Variants in MPZL2 observed in about 807,000 individuals in gnomAD.
MPZL2 encodes the protein myelin protein zero like 2, also known as myelin protein zero-like protein 2.
MPZL2 carries 32 observed loss-of-function variants against 24.5 expected under a neutral mutation model. That is an observed-to-expected ratio of 1.31 (90% CI 0.99 to 1.76). The LOEUF is 1.76. Ranked by LOEUF, MPZL2 falls within the 40% of genes most tolerant of loss-of-function variation. The pLI is 0.00. For missense variants in MPZL2, 304 were observed against 274.9 expected, an observed-to-expected ratio of 1.11 and a Z score of -0.75; for synonymous variants, 92 against 97.9, an observed-to-expected ratio of 0.94 and a Z score of 0.36.
intron 3 of MPZL2, among the ~76,000 whole-genome samples, chr11:118,260,825 G>A (rs968935938): frequency 6.6e-6 from 1 of 152,132 alleles, no homozygotes; most frequent in African/African-American, 2.4e-5. Context: ...CAGAGGGAAG[G>A]TCCCCTAAGC....
At position 118,262,847 on chromosome 11, in the gene MPZL2, A is replaced by C. The variant is rs989675558; in HGVS notation, c.225+84T>G. On this transcript the variant is annotated intron_variant, in intron 2 of 5. Coordinates refer to ENST00000278937, the MANE Select transcript of MPZL2 (RefSeq NM_005797.4). ...TAACCTTGTGCTTGCTGCTAAGAAA[A>C]ATACTGGAAGGGAAAGGAGAAATGG... The C allele has an allele frequency of 5.9e-6, 9 of 1,516,094 alleles. No individual in the cohort carries two copies. The African/African-American group carries it at 9.7e-5, about 16-fold the overall frequency. 93.9% of individuals were successfully genotyped at this position (1,516,094 alleles called of 1,614,324 possible). A position where few individuals can be genotyped will look rare whatever the true frequency, so the allele number is the denominator to read the frequency against.
chr11:118,259,287 C>T (rs1479940054), intron 4 of MPZL2: 1 of 152,040 alleles, frequency 6.6e-6, no homozygotes, highest in Admixed American at 6.6e-5. Context: ...ATTGAATGGA[C>T]AAACAATATG....
intron 5 of MPZL2, among the ~76,000 whole-genome samples, chr11:118,256,233 G>A (rs1949659192): frequency 6.9e-6 from 1 of 144,038 alleles, no homozygotes. Context: ...AGTTTTACAG[G>A]ATAAAGTCAT....
rs557126192 is a variant in MPZL2 at position 118,264,216 on chromosome 11, C to A, written c.-63G>T. 1.3e-6 allele frequency: 2 copies of A among 1,513,028 alleles called. No individual in the cohort carries two copies. The highest frequency in any genetic ancestry group is 4.5e-5 in the East Asian group (2 of 44,354). 93.7% of individuals were successfully genotyped at this position (1,513,028 alleles called of 1,614,324 possible). A position where few individuals can be genotyped will look rare whatever the true frequency, so the allele number is the denominator to read the frequency against. ...GCAGACCGAGGGCTCCAACACCCTGCCAAGGCCACTCCGGGAGGAGCAAGC... is the reference window on the plus strand; with the variant it reads ...GCAGACCGAGGGCTCCAACACCCTGACAAGGCCACTCCGGGAGGAGCAAGC... On this transcript the variant is annotated 5_prime_UTR_variant, in exon 1 of 6. Transcript: ENST00000278937.
Position 118,262,976 on chromosome 11 carries a change from T to A in MPZL2, c.180A>T (p.Thr60=). ...SSFAPVGDAL[T]VTWNFRPLDG... ...CTAGAGGACGAAAATTCCAGGTCACTGTTAGAGCATCACCCACAGGGGCAA... is the reference window on the plus strand; with the variant it reads ...CTAGAGGACGAAAATTCCAGGTCACAGTTAGAGCATCACCCACAGGGGCAA... Residue 60 remains threonine (T), a synonymous_variant, in exon 2 of 6, where the codon ACA becomes ACT. Coordinates refer to ENST00000278937, the MANE Select transcript of MPZL2 (RefSeq NM_005797.4). 1 of 1,614,198 alleles carries A rather than the reference T, an allele frequency of 6.2e-7. No homozygotes were observed. The highest frequency in any genetic ancestry group is 8.5e-7 in the Non-Finnish European group (1 of 1,180,020).
chr11:118,260,118 G>C lies in MPZL2; in HGVS notation c.520C>G (p.Leu174Val), dbSNP rs376150834. ...LMIIIVIVVV[L>V]FQHYRKKRWA... ...CGCTTTTTCCGGTAATGCTGGAAGAGGACCACTACAATTACTATTATGATC... is the reference window on the plus strand; with the variant it reads ...CGCTTTTTCCGGTAATGCTGGAAGACGACCACTACAATTACTATTATGATC... Residue 174 changes from leucine to valine, a missense_variant, in exon 4 of 6, where the codon CTC becomes GTC. Coordinates refer to ENST00000278937, the MANE Select transcript of MPZL2 (RefSeq NM_005797.4). 49 of 1,613,970 alleles carry C rather than the reference G, an allele frequency of 3.0e-5. No individual in the cohort carries two copies. The highest frequency in any genetic ancestry group is 4.1e-5 in the Non-Finnish European group (48 of 1,179,998).
intron 5 of MPZL2, among the ~76,000 whole-genome samples, chr11:118,256,409 T>G (rs1271748845): frequency 6.6e-6 from 1 of 152,136 alleles, no homozygotes; most frequent in African/African-American, 2.4e-5. Context: ...ATCCCAACAC[T>G]TTGGGAGGCT....
At chr11:118,263,230 C>G in intron 1 of MPZL2, 133 bp from the exon 2 acceptor site, 3 of 917,326 alleles carry the variant, frequency 3.3e-6, no homozygotes, top group Non-Finnish European at 4.9e-6. Context: ...ATCTCCCAAA[C>G]TTACTTCACC....
rs185262758 is a variant in MPZL2 at position 118,254,912 on chromosome 11, T to C, written c.*334A>G. On this transcript the variant is annotated 3_prime_UTR_variant, in exon 6 of 6. Coordinates refer to ENST00000278937, the MANE Select transcript of MPZL2 (RefSeq NM_005797.4). ...ACAGACAAATTGGCTTTTATCCCTT[T>C]TGATACCAATATATGTGTATACAAG... 1.6e-4 allele frequency: 24 copies of C among 152,354 alleles called. No individual in the cohort carries two copies. The highest frequency in any genetic ancestry group is 5.8e-4 in the African/African-American group (24 of 41,580). The allele number at this position is 152,354 out of a possible 1,614,324, so 9.4% of individuals were successfully genotyped here. A position where few individuals can be genotyped will look rare whatever the true frequency, so the allele number is the denominator to read the frequency against.
At position 118,264,203 on chromosome 11, in the gene MPZL2, C is replaced by A; in HGVS notation, c.-50G>T. 3 of 1,585,184 alleles carry A rather than the reference C, an allele frequency of 1.9e-6. No homozygotes were observed. In the South Asian group the frequency reaches 3.3e-5, roughly 18 times the overall value. On this transcript the variant is annotated 5_prime_UTR_variant, in exon 1 of 6. Coordinates refer to ENST00000278937, the MANE Select transcript of MPZL2 (RefSeq NM_005797.4). ...GAGACCGGACGGGGCAGACCGAGGG[C>A]TCCAACACCCTGCCAAGGCCACTCC...
intron 5 of MPZL2, among the ~76,000 whole-genome samples, chr11:118,255,948 A>G (rs1221122146): frequency 1.3e-5 from 2 of 152,146 alleles, no homozygotes; most frequent in East Asian, 3.9e-4. Flanking sequence ...TCATCTCTTA[A>G]GTTTCTTTTG....
At chr11:118,260,267 A>G (rs1949691294) in intron 3 of MPZL2, 66 bp from the exon 4 acceptor site, 5 of 1,499,120 alleles carry the variant, frequency 3.3e-6, no homozygotes, top group Admixed American at 1.9e-5. Context: ...ATCTAATGAC[A>G]TAATAGGGAT....
intron 2 of MPZL2, 99 bp from the exon 3 acceptor site, chr11:118,262,747 C>A: frequency 7.3e-7 from 1 of 1,374,234 alleles, no homozygotes; most frequent in Non-Finnish European, 1.0e-6. Flanking sequence ...ACCCAACTGT[C>A]CTGTCTGCAG....
Position 118,262,433 on chromosome 11 carries a change from C to T in MPZL2, c.436+5G>A, listed in dbSNP as rs1287697285. 1 of 1,613,322 alleles carries T rather than the reference C, an allele frequency of 6.2e-7. No individual in the cohort carries two copies. Among genetic ancestry groups the T allele is most frequent in the African/African-American group, 1.3e-5 (1 of 74,898 alleles). ...TCCAAAACCACTGTTCCCTGCATAACCTACCAGTGTGCACGACGCTGAGCC... is the reference window on the plus strand; with the variant it reads ...TCCAAAACCACTGTTCCCTGCATAATCTACCAGTGTGCACGACGCTGAGCC... On this transcript the variant is annotated splice_donor_5th_base_variant and intron_variant, in intron 3 of 5. Transcript: ENST00000278937.
intron 5 of MPZL2, chr11:118,256,883 A>T (rs1376590975): frequency 5.8e-5 from 9 of 154,790 alleles, no homozygotes; most frequent in Non-Finnish European, 1.1e-4. Flanking sequence ...GTTTACAATT[A>T]AAAAAAAAGA....
chr11:118,263,439 A>G (rs1439820101), intron 1 of MPZL2, among the ~76,000 whole-genome samples: 1 of 152,252 alleles, frequency 6.6e-6, no homozygotes. Context: ...ACAAAAAATT[A>G]AAATGAATCA....
Position 118,253,485 on chromosome 11 carries a change from A to T in MPZL2, c.*1761T>A, listed in dbSNP as rs1949643241. 1 of 152,242 alleles carries T rather than the reference A, an allele frequency of 6.6e-6. No individual in the cohort carries two copies. The highest frequency in any genetic ancestry group is 2.4e-5 in the African/African-American group (1 of 41,470). The allele number at this position is 152,242 out of a possible 1,614,324, so 9.4% of individuals were successfully genotyped here. On this transcript the variant is annotated 3_prime_UTR_variant, in exon 6 of 6. Transcript: ENST00000278937. ...GTGTTTAAAGCATAATAAAAAATAA[A>T]TTACAATACAAAAGTGCTCTTTAGG...
chr11:118,260,582 G>A (rs1949694079), intron 3 of MPZL2, among the ~76,000 whole-genome samples: 2 of 152,134 alleles, frequency 1.3e-5, no homozygotes. Context: ...ATGGGGTAAG[G>A]TTTTTGCTAA....
At chr11:118,256,145 C>T (rs1949658288) in intron 5 of MPZL2, among the ~76,000 whole-genome samples, 1 of 151,880 alleles carries the variant, frequency 6.6e-6, no homozygotes, top group Admixed American at 6.6e-5. Flanking sequence ...TTCACTGGAG[C>T]TTTAGCCTAT....
Sources: allele counts gnomAD v4.1 joint callset (sites outside exome capture counted in the v4.1 genomes callset), GRCh38; gene constraint gnomAD v4.1.1; transcripts MANE v1.5; gene names NCBI Gene and HGNC (gene_info 2026-07-23, HGNC 2026-07-21).